GLCCI1: variants seen among roughly 807,000 people sequenced by gnomAD.
The protein encoded by GLCCI1 is glucocorticoid-induced transcript 1 protein.
Under a neutral mutation model 52.2 loss-of-function variants are expected in GLCCI1, and 24 were observed. That is an observed-to-expected ratio of 0.46 (90% CI 0.33 to 0.65). The LOEUF (loss-of-function observed/expected upper bound fraction) is 0.65, where lower values mean the gene tolerates loss of function less well. GLCCI1 is among the 30% of genes least tolerant of loss of function. The pLI, the probability that GLCCI1 is intolerant of heterozygous loss-of-function variation, is 0.02. For missense variants in GLCCI1, 704 were observed against 701.5 expected, an observed-to-expected ratio of 1.00 and a Z score of -0.04; for synonymous variants, 310 against 276.5, an observed-to-expected ratio of 1.12 and a Z score of -1.20.
At chr7:8,065,345 A>G (rs1386476210) in intron 5 of GLCCI1, among the ~76,000 whole-genome samples, 3 of 152,222 alleles carry the variant, frequency 2.0e-5, no homozygotes, top group South Asian at 2.1e-4. Context: ...CATATTGTCT[A>G]AAACCAGGGA....
At chr7:8,023,181 A>T (rs1206580380) in intron 3 of GLCCI1, among the ~76,000 whole-genome samples, 1 of 152,000 alleles carries the variant, frequency 6.6e-6, no homozygotes, top group Admixed American at 6.6e-5. Context: ...ACACCTGGCT[A>T]ATTTTTTGTA....
chr7:8,057,335 A>C (rs970724963), intron 4 of GLCCI1, among the ~76,000 whole-genome samples: 4 of 152,300 alleles, frequency 2.6e-5, no homozygotes, highest in African/African-American at 9.6e-5. Context: ...TAAACACTTC[A>C]TGTATCCATG....
At chr7:8,010,106 G>C (rs555803507) in intron 2 of GLCCI1, among the ~76,000 whole-genome samples, 6 of 152,134 alleles carry the variant, frequency 3.9e-5, no homozygotes, top group African/African-American at 1.4e-4. Context: ...TTCTTTGTAT[G>C]AGTAGTCCAT....
chr7:7,990,447 A>C (rs1421315370), intron 1 of GLCCI1, among the ~76,000 whole-genome samples: 1 of 152,086 alleles, frequency 6.6e-6, no homozygotes, highest in Non-Finnish European at 1.5e-5. Context: ...GCATAATGCT[A>C]TCCTCCAATA....
chr7:7,996,384 C>T (rs567745054), intron 1 of GLCCI1, among the ~76,000 whole-genome samples: 21 of 151,158 alleles, frequency 1.4e-4, no homozygotes, highest in Admixed American at 1.2e-3. Flanking sequence ...AAAAAACGAA[C>T]TTAAAAAAAT....
intron 2 of GLCCI1, among the ~76,000 whole-genome samples, chr7:8,007,282 T>C (rs1369765923): frequency 1.3e-5 from 2 of 152,198 alleles, no homozygotes; most frequent in Non-Finnish European, 1.5e-5. Context: ...CATCATTACA[T>C]AGCTGTACAT....
chr7:8,016,393 C>T (rs886162028), intron 2 of GLCCI1, among the ~76,000 whole-genome samples: 5 of 151,872 alleles, frequency 3.3e-5, no homozygotes, highest in East Asian at 1.9e-4. Context: ...GGCGTGAACC[C>T]GGGAGGTGGA....
intron 1 of GLCCI1, among the ~76,000 whole-genome samples, chr7:7,974,063 A>T (rs534399946): frequency 6.6e-6 from 1 of 152,082 alleles, no homozygotes; most frequent in Non-Finnish European, 1.5e-5. Context: ...TTTCTTCTAC[A>T]TTAATGTTTT....
chr7:7,993,339 T>G (rs1231864492), intron 1 of GLCCI1, among the ~76,000 whole-genome samples: 1 of 152,218 alleles, frequency 6.6e-6, no homozygotes, highest in African/African-American at 2.4e-5. Flanking sequence ...TCCAACTTTT[T>G]CTCAACCTTC....
intron 1 of GLCCI1, chr7:7,982,055 A>T: frequency 2.1e-6 from 1 of 469,084 alleles, no homozygotes; most frequent in South Asian, 1.7e-5. Context: ...AAAGAGTAAA[A>T]AGAGAGACCG....
At chr7:8,024,396 G>C (rs1389571860) in intron 3 of GLCCI1, among the ~76,000 whole-genome samples, 1 of 152,060 alleles carries the variant, frequency 6.6e-6, no homozygotes, top group Non-Finnish European at 1.5e-5. Flanking sequence ...AATATCTCTG[G>C]CTTACTATAA....
At chr7:7,992,957 TC>T (rs1433404316) in intron 1 of GLCCI1, among the ~76,000 whole-genome samples, 4 of 152,258 alleles carry the variant, frequency 2.6e-5, no homozygotes, top group African/African-American at 9.6e-5. Flanking sequence ...ACACATCATT[TC>T]CGAGTATTTT....
chr7:8,006,746 G>T (rs893644093), intron 2 of GLCCI1, among the ~76,000 whole-genome samples: 10 of 152,196 alleles, frequency 6.6e-5, no homozygotes, highest in African/African-American at 2.2e-4. Context: ...AGATTCTTCA[G>T]AGTTACATGC....
At chr7:8,080,581 G>T (rs1476378540) in intron 6 of GLCCI1, among the ~76,000 whole-genome samples, 3 of 151,368 alleles carry the variant, frequency 2.0e-5, no homozygotes, top group African/African-American at 7.4e-5. Context: ...TGGTACTCCA[G>T]ATATTATTCT....
At position 8,017,137 on chromosome 7, in the gene GLCCI1, A is replaced by G. The variant is rs139247684; in HGVS notation, c.610-5346A>G. On this transcript the variant is annotated intron_variant, in intron 2 of 7. Transcript: ENST00000223145. ...GCGTATTTACATTCTTAGGAAAGCT[A>G]CTCCCTCCTCCATTACTTAGTTATC... Among the ~76,000 whole-genome samples, 6 of 152,016 alleles carry G rather than the reference A, an allele frequency of 3.9e-5. No homozygotes were observed. In the East Asian group the frequency reaches 1.2e-3, roughly 29 times the overall value.
intron 2 of GLCCI1, among the ~76,000 whole-genome samples, chr7:8,022,090 C>T (rs914505157): frequency 1.3e-5 from 2 of 152,114 alleles, no homozygotes; most frequent in African/African-American, 4.8e-5. Flanking sequence ...ATTCTTAATA[C>T]TATTGCTTTT....
Position 8,024,926 on chromosome 7 carries a change from A to C in GLCCI1, c.696+2357A>C, listed in dbSNP as rs1463437368. 2.6e-5 allele frequency: 4 copies of C among 152,280 alleles called. 1 individual carries two copies. The highest frequency in any genetic ancestry group is 9.6e-5 in the African/African-American group (4 of 41,464). 9.4% of individuals were successfully genotyped at this position (152,280 alleles called of 1,614,324 possible). On this transcript the variant is annotated intron_variant, in intron 3 of 7. Coordinates refer to ENST00000223145, the MANE Select transcript of GLCCI1 (RefSeq NM_138426.4). ...GATGAAAACCAGCAGCTTTGCTTCC[A>C]CTTTTGCAGAGAAATCACTTGCTAT...
At chr7:8,067,608 T>C (rs914137279) in intron 5 of GLCCI1, among the ~76,000 whole-genome samples, 2 of 152,124 alleles carry the variant, frequency 1.3e-5, no homozygotes, top group African/African-American at 4.8e-5. Context: ...CTGAAAAGGA[T>C]CTTATTTGTC....
chr7:8,083,851 G>T (rs1460640063), intron 6 of GLCCI1, among the ~76,000 whole-genome samples: 2 of 152,240 alleles, frequency 1.3e-5, no homozygotes, highest in South Asian at 2.1e-4. Flanking sequence ...CTTCATTAAT[G>T]ATGATAAAAC....
Sources: allele counts gnomAD v4.1 joint callset (sites outside exome capture counted in the v4.1 genomes callset), GRCh38; gene constraint gnomAD v4.1.1; transcripts MANE v1.5; gene names NCBI Gene and HGNC (gene_info 2026-07-23, HGNC 2026-07-21).